The following SLC2A13 variants were observed in gnomAD, a reference collection of about 807,000 sequenced individuals.
SLC2A13 encodes proton myo-inositol cotransporter.
SLC2A13 carries 32 observed loss-of-function variants against 64.4 expected under a neutral mutation model. The observed-to-expected ratio is 0.50, with a 90% CI of 0.37 to 0.67. SLC2A13 has a LOEUF of 0.67. Ranked by LOEUF, SLC2A13 falls within the 30% of genes least tolerant of loss-of-function variation. SLC2A13 has a pLI of 0.00. For missense variants in SLC2A13, 743 were observed against 829.2 expected, an observed-to-expected ratio of 0.90 and a Z score of 1.28; for synonymous variants, 338 against 327.1, an observed-to-expected ratio of 1.03 and a Z score of -0.36.
At chr12:39,781,694 T>A (rs977263870) in intron 7 of SLC2A13, among the ~76,000 whole-genome samples, 16 of 152,318 alleles carry the variant, frequency 1.1e-4, no homozygotes, top group Admixed American at 9.8e-4. Context: ...TTTAACAGCA[T>A]AGTTATTTTC....
chr12:39,912,792 C>T (rs530617333), intron 4 of SLC2A13, among the ~76,000 whole-genome samples: 33 of 152,182 alleles, frequency 2.2e-4, no homozygotes, highest in African/African-American at 8.0e-4. Context: ...CCCCTCCCTG[C>T]TGTGTCTTGT....
chr12:39,912,012 T>A (rs1289817034), intron 4 of SLC2A13, among the ~76,000 whole-genome samples: 1 of 151,996 alleles, frequency 6.6e-6, no homozygotes, highest in African/African-American at 2.4e-5. Context: ...CTGACTCCCA[T>A]GAGGGCTGGA....
chr12:39,836,451 C>T (rs1943006807), intron 6 of SLC2A13, among the ~76,000 whole-genome samples: 2 of 152,044 alleles, frequency 1.3e-5, no homozygotes, highest in South Asian at 2.1e-4. Flanking sequence ...CCCTCTCTCA[C>T]CACTCCTATT....
chr12:40,025,044 C>T (rs748051391), intron 3 of SLC2A13, among the ~76,000 whole-genome samples: 9 of 152,186 alleles, frequency 5.9e-5, no homozygotes, highest in East Asian at 1.9e-4. Context: ...GCTGAGCACA[C>T]GTGAAAACCA....
intron 3 of SLC2A13, among the ~76,000 whole-genome samples, chr12:40,023,903 C>G (rs543906379): frequency 6.6e-6 from 1 of 152,258 alleles, no homozygotes; most frequent in South Asian, 2.1e-4. Flanking sequence ...TCAAGTAAAA[C>G]AGTTATATTA....
chr12:39,832,535 G>A (rs1046643142), intron 6 of SLC2A13, among the ~76,000 whole-genome samples: 6 of 152,030 alleles, frequency 3.9e-5, no homozygotes, highest in South Asian at 2.1e-4. Context: ...TCATCCAAGC[G>A]TGACCCCAAC....
At chr12:40,046,475 T>G (rs1342463794) in intron 2 of SLC2A13, among the ~76,000 whole-genome samples, 1 of 152,234 alleles carries the variant, frequency 6.6e-6, no homozygotes, top group African/African-American at 2.4e-5. Flanking sequence ...TTACTTACAT[T>G]AATAAAAATT....
At chr12:39,828,649 T>C (rs1345457065) in intron 7 of SLC2A13, among the ~76,000 whole-genome samples, 1 of 152,044 alleles carries the variant, frequency 6.6e-6, no homozygotes, top group Admixed American at 6.5e-5. Context: ...CAGGAAACTA[T>C]GTACATTTCT....
At chr12:39,881,028 C>G (rs1944325232) in intron 4 of SLC2A13, among the ~76,000 whole-genome samples, 1 of 152,206 alleles carries the variant, frequency 6.6e-6, no homozygotes, top group Non-Finnish European at 1.5e-5. Context: ...TGTTCCCAAA[C>G]CTGTTTATGC....
chr12:40,037,961 A>G (rs941325591), intron 2 of SLC2A13, among the ~76,000 whole-genome samples: 5 of 152,110 alleles, frequency 3.3e-5, no homozygotes, highest in African/African-American at 1.2e-4. Flanking sequence ...CCAGTGTATC[A>G]ATTTGATTAA....
At chr12:40,088,998 T>C (rs1026831486) in intron 1 of SLC2A13, among the ~76,000 whole-genome samples, 1 of 152,172 alleles carries the variant, frequency 6.6e-6, no homozygotes. Context: ...TTCAGAAATT[T>C]GAAAATTTAC....
chr12:39,886,736 G>A (rs1326265340), intron 4 of SLC2A13, among the ~76,000 whole-genome samples: 2 of 152,076 alleles, frequency 1.3e-5, no homozygotes, highest in African/African-American at 4.8e-5. Flanking sequence ...TACTTCATAA[G>A]AAAATACAGA....
intron 7 of SLC2A13, among the ~76,000 whole-genome samples, chr12:39,792,860 G>C (rs1477464852): frequency 2.7e-5 from 4 of 150,718 alleles, no homozygotes; most frequent in Admixed American, 2.6e-4. Context: ...TATTGTTCTA[G>C]GGTCAACTGT....
Position 39,927,184 on chromosome 12 carries a change from T to C in SLC2A13, c.1034+24073A>G, listed in dbSNP as rs914124049. Among the ~76,000 whole-genome samples, 6 of 152,338 alleles carry C rather than the reference T, an allele frequency of 3.9e-5. No individual in the cohort carries two copies. The East Asian group carries it at 1.2e-3, about 29-fold the overall frequency. ...ATCATAATCAAATGGCCTGGTGCTTTTGAGTCCACACCCATTCCTTTTATG... is the reference window on the plus strand; with the variant it reads ...ATCATAATCAAATGGCCTGGTGCTTCTGAGTCCACACCCATTCCTTTTATG... On this transcript the variant is annotated intron_variant, in intron 4 of 9. Coordinates refer to ENST00000280871, the MANE Select transcript of SLC2A13 (RefSeq NM_052885.4).
intron 4 of SLC2A13, among the ~76,000 whole-genome samples, chr12:39,880,997 G>A (rs1944323959): frequency 6.6e-6 from 1 of 152,214 alleles, no homozygotes; most frequent in Admixed American, 6.5e-5. Flanking sequence ...TGAATTGTAT[G>A]TATAACAGGT....
At chr12:39,919,033 T>G (rs1263918841) in intron 4 of SLC2A13, among the ~76,000 whole-genome samples, 1 of 151,312 alleles carries the variant, frequency 6.6e-6, no homozygotes, top group East Asian at 1.9e-4. Context: ...CTGGATGGAG[T>G]GCAGTGGTTC....
intron 3 of SLC2A13, among the ~76,000 whole-genome samples, chr12:39,972,371 G>C (rs951947033): frequency 3.9e-5 from 6 of 152,152 alleles, no homozygotes; most frequent in Non-Finnish European, 8.8e-5. Flanking sequence ...TAATTAACAT[G>C]ACTCATCCAT....
At chr12:39,885,414 G>C (rs1191811155) in intron 4 of SLC2A13, among the ~76,000 whole-genome samples, 2 of 152,126 alleles carry the variant, frequency 1.3e-5, no homozygotes, top group Admixed American at 6.6e-5. Flanking sequence ...AAGAAGTACA[G>C]AGAGAATCTC....
chr12:40,029,099 A>C lies in SLC2A13; in HGVS notation c.717-590T>G, dbSNP rs548713023. 3.9e-4 allele frequency among the ~76,000 whole-genome samples: 59 copies of C among 152,328 alleles called. 1 individual carries two copies. Among genetic ancestry groups the C allele is most frequent in the Admixed American group, 7.2e-4 (11 of 15,308 alleles). ...AAAAAGATGGAGTCAGAAATCAATA[A>C]TCCTAATAAAAATCTGCTCATGTTG... On this transcript the variant is annotated intron_variant, in intron 2 of 9. Transcript: ENST00000280871.
Sources: allele counts gnomAD v4.1 joint callset (sites outside exome capture counted in the v4.1 genomes callset), GRCh38; gene constraint gnomAD v4.1.1; transcripts MANE v1.5; gene names NCBI Gene and HGNC (gene_info 2026-07-23, HGNC 2026-07-21).